Variants in EPHA6 observed in about 807,000 individuals in gnomAD.
The protein encoded by EPHA6 is ephrin type-A receptor 6.
Under a neutral mutation model 112.0 loss-of-function variants are expected in EPHA6, and 50 were observed. The ratio of observed to expected loss-of-function variants is 0.45; its 90% CI spans 0.36 to 0.56. EPHA6 has a LOEUF of 0.56. Ranked by LOEUF, EPHA6 falls within the 20% of genes least tolerant of loss-of-function variation. The pLI, the probability that EPHA6 is intolerant of heterozygous loss-of-function variation, is 0.00. For synonymous variants in EPHA6, 529 were observed against 490.7 expected (o/e 1.08, Z -1.03); for missense variants, 1,280 against 1,417.4 (o/e 0.90, Z 1.56).
At chr3:97,110,011 G>C (rs896809469) in intron 3 of EPHA6, among the ~76,000 whole-genome samples, 2 of 152,032 alleles carry the variant, frequency 1.3e-5, no homozygotes, top group Non-Finnish European at 2.9e-5. Flanking sequence ...AGAATGAAAA[G>C]AGGTATTAAA....
chr3:97,500,009 C>G (rs1008062791), intron 10 of EPHA6, among the ~76,000 whole-genome samples: 8 of 152,028 alleles, frequency 5.3e-5, no homozygotes, highest in Non-Finnish European at 1.2e-4. Context: ...GAATAAAGCA[C>G]GAACACATTG....
intron 2 of EPHA6, among the ~76,000 whole-genome samples, chr3:96,902,910 T>G (rs1190318174): frequency 6.6e-6 from 1 of 152,148 alleles, no homozygotes; most frequent in Non-Finnish European, 1.5e-5. Flanking sequence ...CATTGGAGAC[T>G]CCAAAGTAAA....
At chr3:97,740,481 G>A (rs1299321489) in intron 16 of EPHA6, among the ~76,000 whole-genome samples, 2 of 152,068 alleles carry the variant, frequency 1.3e-5, no homozygotes, top group African/African-American at 2.4e-5. Context: ...CTTATGTACT[G>A]TATATTGTTA....
At chr3:97,078,669 T>A (rs2046617449) in intron 3 of EPHA6, among the ~76,000 whole-genome samples, 4 of 152,196 alleles carry the variant, frequency 2.6e-5, no homozygotes, top group African/African-American at 4.8e-5. Flanking sequence ...CCCCATTTCT[T>A]GTTTTTGTCG....
intron 11 of EPHA6, among the ~76,000 whole-genome samples, chr3:97,585,552 T>C (rs1438805414): frequency 6.6e-6 from 1 of 152,228 alleles, no homozygotes; most frequent in Non-Finnish European, 1.5e-5. Flanking sequence ...TATTGTGTCC[T>C]ATTTAACAAG....
intron 5 of EPHA6, among the ~76,000 whole-genome samples, chr3:97,265,643 C>CA: frequency 6.6e-6 from 1 of 152,292 alleles, no homozygotes; most frequent in African/African-American, 2.4e-5. Flanking sequence ...CAGAGAAGCC[C>CA]GGGTCCTCTG....
chr3:97,020,134 C>A (rs550868613), intron 3 of EPHA6, among the ~76,000 whole-genome samples: 1 of 152,272 alleles, frequency 6.6e-6, no homozygotes, highest in South Asian at 2.1e-4. Flanking sequence ...TCTGTCAATA[C>A]CAGGAGCTTT....
chr3:97,644,842 C>G (rs898951138), intron 14 of EPHA6, among the ~76,000 whole-genome samples: 26 of 152,058 alleles, frequency 1.7e-4, no homozygotes, highest in African/African-American at 5.3e-4. Context: ...GATTCACAGC[C>G]GAATTCTACC....
intron 6 of EPHA6, among the ~76,000 whole-genome samples, chr3:97,414,686 G>A (rs1217451677): frequency 6.6e-6 from 1 of 151,898 alleles, no homozygotes; most frequent in Non-Finnish European, 1.5e-5. Context: ...TAATTATGAG[G>A]CTTCTTTGAC....
chr3:97,667,693 G>T, intron 14 of EPHA6, among the ~76,000 whole-genome samples: 1 of 152,058 alleles, frequency 6.6e-6, no homozygotes. Flanking sequence ...GAACAACATG[G>T]GCAAACTCTT....
intron 5 of EPHA6, among the ~76,000 whole-genome samples, chr3:97,276,907 G>T (rs2080102544): frequency 6.6e-6 from 1 of 152,184 alleles, no homozygotes; most frequent in Admixed American, 6.5e-5. Flanking sequence ...TGGGCAGGTG[G>T]GGGAGGGCTA....
chr3:97,308,658 T>A (rs1418859374), intron 5 of EPHA6, among the ~76,000 whole-genome samples: 1 of 151,794 alleles, frequency 6.6e-6, no homozygotes, highest in Non-Finnish European at 1.5e-5. Flanking sequence ...CTCTCTGTAC[T>A]CTGCAACAGA....
rs71113852 is a variant in EPHA6, at chr3:97,179,717, GTCTCTCTCTCTC to G, written c.1115-46514_1115-46503del. Among the ~76,000 whole-genome samples the G allele has an allele frequency of 1.1e-3, 136 of 119,176 alleles. 2 individuals are homozygous for G. The highest frequency in any genetic ancestry group is 4.2e-3 in the African/African-American group (110 of 26,174). The allele number at this position is 119,176 out of a possible 152,430, so 78.2% of individuals were successfully genotyped here. On this transcript the variant is annotated intron_variant, in intron 3 of 17. Coordinates refer to ENST00000389672, the MANE Select transcript of EPHA6 (RefSeq NM_001080448.3). Reference sequence around the variant, plus strand: ...TTTTACTTTCTGCCAAACCTACAGAGTCTCTCTCTCTCTCTCTCTCTCTCTCTCTCTCTCTCT... The same window carrying G: ...TTTTACTTTCTGCCAAACCTACAGAGTCTCTCTCTCTCTCTCTCTCTCTCT...
chr3:97,239,503 A>G (rs537048764), intron 4 of EPHA6, among the ~76,000 whole-genome samples: 2 of 152,034 alleles, frequency 1.3e-5, no homozygotes, highest in South Asian at 4.1e-4. Context: ...CAGTTGATTA[A>G]TACATTTTAT....
At chr3:97,211,699 G>A (rs937241314) in intron 3 of EPHA6, among the ~76,000 whole-genome samples, 1 of 152,048 alleles carries the variant, frequency 6.6e-6, no homozygotes, top group Non-Finnish European at 1.5e-5. Flanking sequence ...GGGATTTCAG[G>A]CTTCAACATC....
intron 3 of EPHA6, among the ~76,000 whole-genome samples, chr3:97,091,535 G>C (rs1323759294): frequency 6.6e-6 from 1 of 152,106 alleles, no homozygotes; most frequent in Non-Finnish European, 1.5e-5. Context: ...CATAGATTCT[G>C]TGTCCAAGAG....
chr3:97,443,092 G>A lies in EPHA6; in HGVS notation c.1732-5476G>A, dbSNP rs574731908. 1.7e-4 allele frequency among the ~76,000 whole-genome samples: 26 copies of A among 151,944 alleles called. No homozygotes were observed. In the South Asian group the frequency reaches 2.9e-3, roughly 17 times the overall value. ...CATGTTCTAAATGTGGTTTTAATTCGTTTATTTTTGTTTATTTTGAGAGGA... is the reference window on the plus strand; with the variant it reads ...CATGTTCTAAATGTGGTTTTAATTCATTTATTTTTGTTTATTTTGAGAGGA... On this transcript the variant is annotated intron_variant, in intron 6 of 17. Coordinates refer to ENST00000389672, the MANE Select transcript of EPHA6 (RefSeq NM_001080448.3).
intron 4 of EPHA6, among the ~76,000 whole-genome samples, chr3:97,231,351 T>C (rs1179820524): frequency 6.6e-6 from 1 of 152,216 alleles, no homozygotes; most frequent in African/African-American, 2.4e-5. Flanking sequence ...CTGAATTCAC[T>C]GTCTTTTAAA....
chr3:97,251,603 C>A (rs1407966204), intron 5 of EPHA6, among the ~76,000 whole-genome samples: 1 of 152,136 alleles, frequency 6.6e-6, no homozygotes, highest in Non-Finnish European at 1.5e-5. Flanking sequence ...ATGTGAATTT[C>A]TTCATACTTA....
Sources: allele counts gnomAD v4.1 joint callset (sites outside exome capture counted in the v4.1 genomes callset), GRCh38; gene constraint gnomAD v4.1.1; transcripts MANE v1.5; gene names NCBI Gene and HGNC (gene_info 2026-07-23, HGNC 2026-07-21).